Variants in MNT observed in about 807,000 individuals in gnomAD.
MNT encodes max-binding protein MNT.
Under a neutral mutation model 40.7 loss-of-function variants are expected in MNT, and 13 were observed. The ratio of observed to expected loss-of-function variants is 0.32; its 90% CI spans 0.21 to 0.51. The LOEUF (loss-of-function observed/expected upper bound fraction) is 0.51. MNT is among the 20% of genes least tolerant of loss of function. The pLI is 0.98. For missense variants in MNT, 757 were observed against 792.0 expected (o/e 0.96, Z 0.53); for synonymous variants, 426 against 354.8 (o/e 1.20, Z -2.26).
intron 4 of MNT, 33 bp from the exon 5 acceptor site, chr17:2,388,082 C>T (rs1355730443): frequency 5.2e-6 from 8 of 1,524,716 alleles, no homozygotes; most frequent in Non-Finnish European, 6.2e-6. Flanking sequence ...GCAGGACACC[C>T]TGAGCAGCAG....
chr17:2,394,012 G>A, intron 4 of MNT, 31 bp downstream of exon 4: 5 of 1,499,722 alleles, frequency 3.3e-6, no homozygotes, highest in Non-Finnish European at 4.5e-6. Context: ...GGCGGGGGAA[G>A]CTGCGCGACG....
chr17:2,394,244 G>T, intron 3 of MNT, 61 bp downstream of exon 3: 1 of 1,589,154 alleles, frequency 6.3e-7, no homozygotes, highest in Non-Finnish European at 8.5e-7. Context: ...GCCGAGGGCC[G>T]CCGGGGCCCG....
rs746979460 is a variant in MNT at position 2,394,104 on chromosome 17, T to C, written c.746A>G (p.Asn249Ser). The change falls in exon 4 of 6, where the codon AAC (asparagine) becomes AGC (serine). Residue 249 changes from asparagine (N) to serine (S), a missense_variant. By Grantham distance (46) the Asn-to-Ser change is conservative. Coordinates refer to ENST00000174618, the MANE Select transcript of MNT (RefSeq NM_020310.3). ...ATTGGACGTCTTCTTGTCATCCACGTTGGGGATGTTCCGCTTCAGGGTCTC... is the reference window on the plus strand; with the variant it reads ...ATTGGACGTCTTCTTGTCATCCACGCTGGGGATGTTCCGCTTCAGGGTCTC... ...CFETLKRNIPNVDDKKTSNLS... is the reference protein window; with the variant it reads ...CFETLKRNIPSVDDKKTSNLS... The C allele has an allele frequency of 1.3e-5, 21 of 1,608,826 alleles. 1 individual carries two copies. In the Admixed American group the frequency reaches 2.5e-4, roughly 19 times the overall value.
Position 2,387,561 on chromosome 17 carries a change from C to G in MNT, c.1089G>C (p.Leu363=). The G allele has an allele frequency of 4.3e-6, 7 of 1,614,018 alleles. No individual in the cohort carries two copies. The highest frequency in any genetic ancestry group is 5.9e-6 in the Non-Finnish European group (7 of 1,179,976). Residue 363 remains leucine, a synonymous_variant, in exon 6 of 6, where the codon CTG becomes CTC. Transcript: ENST00000174618. The stretch of plus-strand genomic sequence containing the variant: ...TGGGGGGTGGCAGGGTGGACTTCAG[C>G]AGCTCCGGCTGGGGACGATGGCTCA... ...PKLSHRPQPE[L]LKSTLPPPST...
At chr17:2,388,393 C>T (rs1465137647) in intron 4 of MNT, 3 of 268,444 alleles carry the variant, frequency 1.1e-5, no homozygotes, top group African/African-American at 2.2e-5. Context: ...ACACTTCTGC[C>T]GCGAGCTACC....
intron 4 of MNT, among the ~76,000 whole-genome samples, chr17:2,388,912 G>A (rs890458936): frequency 2.6e-5 from 4 of 152,138 alleles, no homozygotes; most frequent in Non-Finnish European, 5.9e-5. Context: ...TGTCCTTGCT[G>A]CCTCCCGAGT....
At chr17:2,394,277 G>GCACGCACACACACACGCA in intron 3 of MNT, 28 bp downstream of exon 3, 1 of 1,170,046 alleles carries the variant, frequency 8.5e-7, no homozygotes, top group East Asian at 2.9e-5. Flanking sequence ...ACGCACGCAC[G>GCACGCACACACACACGCA]CACACACACA....
intron 3 of MNT, 38 bp downstream of exon 3, chr17:2,394,267 A>ACGCGCGCG: frequency 6.7e-7 from 1 of 1,482,246 alleles, no homozygotes; most frequent in Non-Finnish European, 9.1e-7. Context: ...TCGCGCGCGC[A>ACGCGCGCG]CGCACGCACG....
At chr17:2,393,790 C>A in intron 4 of MNT, 1 of 195,494 alleles carries the variant, frequency 5.1e-6, no homozygotes, top group Non-Finnish European at 1.0e-5. Context: ...CTCACGGCCC[C>A]GGGGACGCCG....
chr17:2,394,277 G>GCGCGCGCACACACACACACA, intron 3 of MNT, 28 bp downstream of exon 3: 5 of 1,487,678 alleles, frequency 3.4e-6, no homozygotes, highest in Non-Finnish European at 4.5e-6. Flanking sequence ...ACGCACGCAC[G>GCGCGCGCACACACACACACA]CACACACACA....
At chr17:2,399,953 C>G (rs937150084) in intron 1 of MNT, among the ~76,000 whole-genome samples, 5 of 152,236 alleles carry the variant, frequency 3.3e-5, no homozygotes, top group African/African-American at 1.2e-4. Context: ...TTCACCCAAA[C>G]CCCGGACGCG....
chr17:2,394,019 G>A, intron 4 of MNT, 24 bp downstream of exon 4: 5 of 1,526,564 alleles, frequency 3.3e-6, no homozygotes, highest in Non-Finnish European at 4.4e-6. Flanking sequence ...GAAGCTGCGC[G>A]ACGCCGGCCT....
intron 4 of MNT, 167 bp from the exon 5 acceptor site, chr17:2,388,216 C>A: frequency 1.6e-6 from 1 of 625,188 alleles, no homozygotes. Flanking sequence ...TGGTCCATGC[C>A]CCTGCCCAGT....
chr17:2,388,171 A>G, intron 4 of MNT, 122 bp from the exon 5 acceptor site: 1 of 916,862 alleles, frequency 1.1e-6, no homozygotes, highest in Non-Finnish European at 1.6e-6. Flanking sequence ...CAGCGGGCCC[A>G]GCCTGACGGG....
chr17:2,395,843 A>G (rs1434800806), intron 1 of MNT, among the ~76,000 whole-genome samples: 1 of 152,062 alleles, frequency 6.6e-6, no homozygotes, highest in African/African-American at 2.4e-5. Flanking sequence ...AGGGGACCAC[A>G]GGGCCGAGGT....
chr17:2,384,776 C>T lies in MNT; in HGVS notation c.*2125G>A, dbSNP rs568634850. ...CACACAGCATCACAGCGTTCACAAA[C>T]GACAAGAAAAACAGCAACACCCATC... On this transcript the variant is annotated 3_prime_UTR_variant, in exon 6 of 6. Coordinates refer to ENST00000174618, the MANE Select transcript of MNT (RefSeq NM_020310.3). 1.3e-5 allele frequency: 2 copies of T among 152,760 alleles called. No homozygotes were observed. The highest frequency in any genetic ancestry group is 2.4e-5 in the African/African-American group (1 of 41,518). The allele number at this position is 152,760 out of a possible 1,614,324, so 9.5% of individuals were successfully genotyped here. A position where few individuals can be genotyped will look rare whatever the true frequency, so the allele number is the denominator to read the frequency against.
At chr17:2,396,472 A>G (rs1970835) in intron 1 of MNT, 39,263 of 152,484 alleles carry the variant, frequency 0.26, 5,503 homozygotes, top group East Asian at 0.41. Context: ...GAGAGAGGGC[A>G]GTTGAGGAGG....
Position 2,387,512 on chromosome 17 carries a change from G to A in MNT, c.1138C>T (p.Pro380Ser). ...PPSTTPAPLP[P>S]HPHPHPHSVA... ...GAGTGGGGGTGAGGGTGTGGGTGTG[G>A]AGGCAGAGGCGCAGGGGTGGTGCTG... is the stretch of plus-strand genomic sequence containing the variant. Residue 380 changes from proline (P) to serine (S), a missense_variant, in exon 6 of 6, where the codon CCA becomes TCA. Physicochemically the swap from Pro to Ser is moderately conservative, Grantham distance 74. Coordinates refer to ENST00000174618, the MANE Select transcript of MNT (RefSeq NM_020310.3). 6.2e-7 allele frequency: 1 copy of A among 1,613,176 alleles called. No homozygotes were observed. The highest frequency in any genetic ancestry group is 8.5e-7 in the Non-Finnish European group (1 of 1,179,790).
intron 2 of MNT, 57 bp downstream of exon 2, chr17:2,394,818 G>C: frequency 3.0e-6 from 4 of 1,317,908 alleles, no homozygotes; most frequent in Admixed American, 2.0e-5. Flanking sequence ...CACACAGCCC[G>C]GGGGATGGGC....
Sources: gnomAD v4.1 joint callset for allele counts (sites outside exome capture counted in the v4.1 genomes callset) on GRCh38, gnomAD v4.1.1 for gene constraint, MANE v1.5 for transcripts, NCBI Gene and HGNC (gene_info 2026-07-23, HGNC 2026-07-21) for gene names.